Variants in SLIT2 observed in about 807,000 individuals in gnomAD.
SLIT2 encodes the protein slit homolog 2 protein.
SLIT2 carries 41 observed loss-of-function variants against 185.7 expected under a neutral mutation model. The observed-to-expected ratio is 0.22, with a 90% CI of 0.17 to 0.29. The LOEUF is 0.29. Ranked by LOEUF, SLIT2 falls within the 10% of genes least tolerant of loss-of-function variation. The pLI is 1.00. For missense variants in SLIT2, 1,571 were observed against 1,909.0 expected (o/e 0.82, Z 3.30); for synonymous variants, 693 against 680.2 (o/e 1.02, Z -0.29).
Position 20,253,735 on chromosome 4 carries a change from C to G in SLIT2, c.-81C>G. On this transcript the variant is annotated 5_prime_UTR_variant, in exon 1 of 37. Transcript: ENST00000504154. ...TTGCTAGCCCCGCCGGGCACTGGGC[C>G]TCAGACACTGCGCGGTTCCCTCGGA... The G allele has an allele frequency of 6.5e-7, 1 of 1,537,154 alleles. No individual in the cohort carries two copies. The highest frequency in any genetic ancestry group is 8.8e-7 in the Non-Finnish European group (1 of 1,138,110).
intron 26 of SLIT2, among the ~76,000 whole-genome samples, chr4:20,560,803 A>T (rs56350231): frequency 3.3e-5 from 5 of 151,654 alleles, no homozygotes; most frequent in African/African-American, 7.3e-5. Flanking sequence ...ATGGAGATGA[A>T]TGATATGTTT....
chr4:20,293,601 G>T (rs1716180976), intron 4 of SLIT2, among the ~76,000 whole-genome samples: 2 of 152,074 alleles, frequency 1.3e-5, no homozygotes, highest in African/African-American at 4.8e-5. Context: ...ATTTTTTCAG[G>T]GTTTAGCATC....
chr4:20,548,237 A>T (rs1199975304), intron 22 of SLIT2, among the ~76,000 whole-genome samples: 1 of 152,106 alleles, frequency 6.6e-6, no homozygotes, highest in East Asian at 1.9e-4. Context: ...AACCCCTTGC[A>T]CGTACACTAC....
At chr4:20,561,124 A>G (rs1724654085) in intron 26 of SLIT2, among the ~76,000 whole-genome samples, 1 of 151,804 alleles carries the variant, frequency 6.6e-6, no homozygotes, top group South Asian at 2.1e-4. Flanking sequence ...CAAAGAGGGG[A>G]GGAGGCCCAA....
At chr4:20,548,371 A>G in intron 22 of SLIT2, 117 bp from the exon 23 acceptor site, 1 of 613,094 alleles carries the variant, frequency 1.6e-6, no homozygotes, top group South Asian at 2.0e-5. Flanking sequence ...GTTTTCAGAT[A>G]ACAGCTGAAT....
chr4:20,483,420 T>G (rs1292976747), intron 6 of SLIT2, among the ~76,000 whole-genome samples: 1 of 152,088 alleles, frequency 6.6e-6, no homozygotes, highest in African/African-American at 2.4e-5. Flanking sequence ...TAACTGCATA[T>G]TTTCTTAATA....
intron 18 of SLIT2, among the ~76,000 whole-genome samples, chr4:20,536,773 CTT>C (rs35998721): frequency 0.29 from 43,627 of 151,190 alleles, 6,535 homozygotes; most frequent in Middle Eastern, 0.42. Flanking sequence ...TTTTTTTACT[CTT>C]ATATTTATAT....
intron 22 of SLIT2, among the ~76,000 whole-genome samples, chr4:20,547,739 G>A (rs987603900): frequency 1.3e-5 from 2 of 150,484 alleles, no homozygotes; most frequent in Non-Finnish European, 3.0e-5. Flanking sequence ...CATATATAGT[G>A]TGTGTATATA....
chr4:20,364,583 AT>A (rs951128754), intron 4 of SLIT2, among the ~76,000 whole-genome samples: 2 of 151,804 alleles, frequency 1.3e-5, no homozygotes, highest in African/African-American at 4.8e-5. Context: ...ATTATACTTA[AT>A]TTTTTTTCAT....
intron 4 of SLIT2, among the ~76,000 whole-genome samples, chr4:20,446,006 T>C (rs2148707371): frequency 6.6e-6 from 1 of 152,300 alleles, no homozygotes; most frequent in South Asian, 2.1e-4. Flanking sequence ...CATTTCCTCT[T>C]GTTCATTCTC....
chr4:20,323,587 A>G (rs1719287488), intron 4 of SLIT2, among the ~76,000 whole-genome samples: 2 of 152,176 alleles, frequency 1.3e-5, no homozygotes, highest in Admixed American at 6.5e-5. Context: ...AAAACAGTAG[A>G]ATATAACATA....
At chr4:20,578,386 C>T (rs1234146589) in intron 29 of SLIT2, among the ~76,000 whole-genome samples, 1 of 152,092 alleles carries the variant, frequency 6.6e-6, no homozygotes, top group Non-Finnish European at 1.5e-5. Flanking sequence ...AAAATTAGTA[C>T]ATTTATTCAA....
rs1031995856 is a variant in SLIT2, at chr4:20,602,527, T to C, written c.3692+4132T>C. On this transcript the variant is annotated intron_variant, in intron 33 of 36. Transcript: ENST00000504154. ...TACAGGCAGTAGTGTAGAATGGTTG[T>C]TTCCAAAAGTCTGCATTGGAATCAC... 2.0e-5 allele frequency among the ~76,000 whole-genome samples: 3 copies of C among 152,170 alleles called. No homozygotes were observed. The South Asian group carries it at 6.2e-4, about 31-fold the overall frequency.
intron 29 of SLIT2, among the ~76,000 whole-genome samples, chr4:20,586,839 A>T (rs1727104822): frequency 6.6e-6 from 1 of 152,206 alleles, no homozygotes; most frequent in Admixed American, 6.5e-5. Context: ...TTGTTATTAA[A>T]GCAAAAGGAG....
intron 4 of SLIT2, among the ~76,000 whole-genome samples, chr4:20,305,947 A>G (rs1362215502): frequency 6.6e-6 from 1 of 150,626 alleles, no homozygotes; most frequent in Non-Finnish European, 1.5e-5. Context: ...TGGTGCCCAC[A>G]TAGGTTAGCG....
chr4:20,330,522 T>C (rs1373612231), intron 4 of SLIT2, among the ~76,000 whole-genome samples: 1 of 152,122 alleles, frequency 6.6e-6, no homozygotes, highest in African/African-American at 2.4e-5. Context: ...TTATAACTTA[T>C]GATTCATAGC....
chr4:20,267,400 C>T (rs550864332), intron 3 of SLIT2, among the ~76,000 whole-genome samples: 2 of 151,770 alleles, frequency 1.3e-5, no homozygotes, highest in East Asian at 1.9e-4. Context: ...TTTATTAAGG[C>T]CTGAGAATGT....
rs1238465824 is a variant in SLIT2 at position 20,283,111 on chromosome 4, T to TGC, written c.395+14239_395+14240dup. ...TGTGTGTGTTGCCTGTGTGCCTGTG[T>TGC]GCGCGCGCGCACACACACACACACA... is the stretch of plus-strand genomic sequence containing the variant. On this transcript the variant is annotated intron_variant, in intron 4 of 36. Coordinates refer to ENST00000504154, the MANE Select transcript of SLIT2 (RefSeq NM_004787.4). 1.3e-3 allele frequency among the ~76,000 whole-genome samples: 189 copies of TGC among 143,716 alleles called. 1 individual carries two copies. Among genetic ancestry groups the TGC allele is most frequent in the African/African-American group, 4.1e-3 (149 of 36,356 alleles). The allele number at this position is 143,716 out of a possible 152,430, so 94.3% of individuals were successfully genotyped here. A position where few individuals can be genotyped will look rare whatever the true frequency, so the allele number is the denominator to read the frequency against.
intron 4 of SLIT2, among the ~76,000 whole-genome samples, chr4:20,300,776 G>T (rs1388872207): frequency 3.3e-5 from 5 of 151,906 alleles, no homozygotes; most frequent in African/African-American, 1.2e-4. Context: ...CTAAAATCAA[G>T]CACTAGGCTT....
Sources: allele counts gnomAD v4.1 joint callset (sites outside exome capture counted in the v4.1 genomes callset), GRCh38; gene constraint gnomAD v4.1.1; transcripts MANE v1.5; gene names NCBI Gene and HGNC (gene_info 2026-07-23, HGNC 2026-07-21).